LASP1: variants seen among roughly 807,000 people sequenced by gnomAD.
LASP1 encodes the protein LIM and SH3 protein 1, also known as LIM and SH3 domain protein 1.
In LASP1, 10 loss-of-function variants were observed where a neutral mutation model predicts 38.6. The ratio of observed to expected loss-of-function variants is 0.26; its 90% CI spans 0.16 to 0.44. LASP1 has a LOEUF of 0.44. Among genes scored for constraint, LASP1 ranks in the 20% least tolerant of loss-of-function variants. The pLI is 1.00. For missense variants in LASP1, 243 were observed against 375.7 expected (o/e 0.65, Z 2.92); for synonymous variants, 132 against 140.8 (o/e 0.94, Z 0.44).
intron 2 of LASP1, among the ~76,000 whole-genome samples, chr17:38,883,858 T>C (rs907431643): frequency 6.6e-6 from 1 of 151,086 alleles, no homozygotes; most frequent in Non-Finnish European, 1.5e-5. Context: ...GAACAATGCC[T>C]CCTTGTTGCT....
chr17:38,909,068 T>C (rs1274604667), intron 4 of LASP1, among the ~76,000 whole-genome samples: 1 of 152,182 alleles, frequency 6.6e-6, no homozygotes, highest in East Asian at 1.9e-4. Flanking sequence ...GAAGTGAAGT[T>C]GGCTTCCAGC....
Position 38,921,119 on chromosome 17 carries a change from C to G in LASP1, c.*2341C>G, listed in dbSNP as rs570621856. On this transcript the variant is annotated 3_prime_UTR_variant, in exon 7 of 7. Coordinates refer to ENST00000318008, the MANE Select transcript of LASP1 (RefSeq NM_006148.4). Reference sequence around the variant, plus strand: ...GACTGTCACACTGGTGCTGAGTGACCGGGGGCTGCTGGGCGTCTGTTCTTT... The same window carrying G: ...GACTGTCACACTGGTGCTGAGTGACGGGGGGCTGCTGGGCGTCTGTTCTTT... 1 of 229,478 alleles carries G rather than the reference C, an allele frequency of 4.4e-6. No individual in the cohort carries two copies. The highest frequency in any genetic ancestry group is 2.2e-5 in the African/African-American group (1 of 45,032). The allele number at this position is 229,478 out of a possible 1,614,324, so 14.2% of individuals were successfully genotyped here.
chr17:38,895,448 G>C (rs1362787629), intron 3 of LASP1, among the ~76,000 whole-genome samples: 2 of 151,874 alleles, frequency 1.3e-5, no homozygotes, highest in African/African-American at 4.8e-5. Flanking sequence ...AGCCTCCCAA[G>C]TAGCTGGGAT....
Position 38,919,112 on chromosome 17 carries a change from C to T in LASP1, c.*334C>T. 1 of 380,750 alleles carries T rather than the reference C, an allele frequency of 2.6e-6. No individual in the cohort carries two copies. Among genetic ancestry groups the T allele is most frequent in the Non-Finnish European group, 4.9e-6 (1 of 205,198 alleles). The allele number at this position is 380,750 out of a possible 1,614,324, so 23.6% of individuals were successfully genotyped here. ...TTCTCTCCCCTCACATCCTCCTGCC[C>T]AGCTCCTCACATACCCACACATTCC... On this transcript the variant is annotated 3_prime_UTR_variant, in exon 7 of 7. Transcript: ENST00000318008.
intron 2 of LASP1, among the ~76,000 whole-genome samples, chr17:38,882,216 T>C (rs1004082111): frequency 2.0e-5 from 3 of 152,204 alleles, no homozygotes; most frequent in Admixed American, 6.5e-5. Flanking sequence ...TTCTGCACAA[T>C]AGCCAGTGGT....
chr17:38,901,052 C>T (rs751429612), intron 4 of LASP1, among the ~76,000 whole-genome samples: 2 of 152,344 alleles, frequency 1.3e-5, no homozygotes, highest in Admixed American at 6.5e-5. Context: ...TCAGCCTCTG[C>T]GGCTTTTCAT....
intron 3 of LASP1, among the ~76,000 whole-genome samples, chr17:38,893,843 C>T (rs951324469): frequency 4.6e-5 from 7 of 152,194 alleles, no homozygotes; most frequent in East Asian, 3.9e-4. Flanking sequence ...GAGCTGCCTG[C>T]GGCTAGCAGG....
At position 38,921,459 on chromosome 17, in the gene LASP1, T is replaced by A. The variant is rs1326972660; in HGVS notation, c.*2681T>A. 4.3e-6 allele frequency: 1 copy of A among 232,412 alleles called. No individual in the cohort carries two copies. The highest frequency in any genetic ancestry group is 2.2e-5 in the African/African-American group (1 of 45,256). The allele number at this position is 232,412 out of a possible 1,614,324, so 14.4% of individuals were successfully genotyped here. A position where few individuals can be genotyped will look rare whatever the true frequency, so the allele number is the denominator to read the frequency against. On this transcript the variant is annotated 3_prime_UTR_variant, in exon 7 of 7. Transcript: ENST00000318008. ...ACACATGCACTTTTGGGCCTTTTTT[T>A]ATAGCTGGAAAAAACAAAATACCAC... is the stretch of plus-strand genomic sequence containing the variant.
chr17:38,909,904 T>A (rs1033053782), intron 4 of LASP1, among the ~76,000 whole-genome samples: 2 of 152,132 alleles, frequency 1.3e-5, no homozygotes, highest in South Asian at 2.1e-4. Context: ...CCCACCACCA[T>A]GCCTGATTAA....
chr17:38,908,662 C>T (rs1914838400), intron 4 of LASP1, among the ~76,000 whole-genome samples: 1 of 152,212 alleles, frequency 6.6e-6, no homozygotes, highest in Non-Finnish European at 1.5e-5. Context: ...CCTAAGTAAA[C>T]TGCCCTCTGC....
At chr17:38,882,319 C>T (rs1046727207) in intron 2 of LASP1, among the ~76,000 whole-genome samples, 1 of 152,336 alleles carries the variant, frequency 6.6e-6, no homozygotes, top group Non-Finnish European at 1.5e-5. Flanking sequence ...GCGATCTCCG[C>T]TCACTACAAC....
At chr17:38,875,066 T>C (rs1386558836) in intron 1 of LASP1, among the ~76,000 whole-genome samples, 1 of 145,364 alleles carries the variant, frequency 6.9e-6, no homozygotes, top group African/African-American at 2.6e-5. Context: ...CGTGTGTGTG[T>C]GTGTGTGTGT....
At chr17:38,880,262 G>A (rs1235595315) in intron 2 of LASP1, among the ~76,000 whole-genome samples, 1 of 152,236 alleles carries the variant, frequency 6.6e-6, no homozygotes, top group Non-Finnish European at 1.5e-5. Flanking sequence ...AGCACTGGGA[G>A]CTGGAGAAAA....
chr17:38,897,347 C>G (rs1914517376), intron 3 of LASP1, among the ~76,000 whole-genome samples: 1 of 152,256 alleles, frequency 6.6e-6, no homozygotes, highest in Non-Finnish European at 1.5e-5. Context: ...AGATGATTCC[C>G]TGCCAGGGAA....
intron 4 of LASP1, chr17:38,898,737 G>C: frequency 1.6e-6 from 1 of 619,292 alleles, no homozygotes; most frequent in South Asian, 1.5e-5. Context: ...TTCTTGAAGG[G>C]ACTGTATTCT....
At chr17:38,875,632 C>T (rs530935326) in intron 1 of LASP1, among the ~76,000 whole-genome samples, 2 of 152,248 alleles carry the variant, frequency 1.3e-5, no homozygotes, top group South Asian at 4.1e-4. Context: ...TCCTTTGGGT[C>T]TTCTTGATAG....
At chr17:38,871,709 A>G (rs760377816) in intron 1 of LASP1, among the ~76,000 whole-genome samples, 3 of 151,918 alleles carry the variant, frequency 2.0e-5, no homozygotes, top group Non-Finnish European at 4.4e-5. Flanking sequence ...AGATATTTGA[A>G]CTTGCTCTTG....
intron 2 of LASP1, among the ~76,000 whole-genome samples, chr17:38,881,364 C>T (rs999659032): frequency 6.6e-6 from 1 of 152,152 alleles, no homozygotes; most frequent in African/African-American, 2.4e-5. Flanking sequence ...GCAGCCTCCA[C>T]CTCCTGGGTT....
At chr17:38,890,970 G>A (rs940601673) in intron 3 of LASP1, among the ~76,000 whole-genome samples, 10 of 152,200 alleles carry the variant, frequency 6.6e-5, no homozygotes, top group African/African-American at 2.4e-4. Flanking sequence ...GCACAGGATA[G>A]GGGGCTGTTC....
Sources: gnomAD v4.1 joint callset for allele counts (sites outside exome capture counted in the v4.1 genomes callset) on GRCh38, gnomAD v4.1.1 for gene constraint, MANE v1.5 for transcripts, NCBI Gene and HGNC (gene_info 2026-07-23, HGNC 2026-07-21) for gene names.